Variants in PIK3C2G observed in about 807,000 individuals in gnomAD.
PIK3C2G encodes phosphatidylinositol 3-kinase C2 domain-containing subunit gamma.
PIK3C2G carries 168 observed loss-of-function variants against 181.1 expected under a neutral mutation model. The observed-to-expected ratio is 0.93, with a 90% CI of 0.82 to 1.05. The LOEUF (loss-of-function observed/expected upper bound fraction) is 1.05. Among genes scored for constraint, PIK3C2G ranks in the 50% least tolerant of loss-of-function variants. PIK3C2G has a pLI of 0.00. For synonymous variants in PIK3C2G, 573 were observed against 592.2 expected (o/e 0.97, Z 0.47); for missense variants, 1,869 against 1,732.8 (o/e 1.08, Z -1.40).
intron 16 of PIK3C2G, among the ~76,000 whole-genome samples, chr12:18,414,313 G>A (rs901970004): frequency 3.9e-5 from 6 of 151,956 alleles, no homozygotes; most frequent in East Asian, 1.9e-4. Flanking sequence ...TAAAACTTTC[G>A]TATAGAAAAT....
chr12:18,326,032 A>G (rs982486082), intron 8 of PIK3C2G, among the ~76,000 whole-genome samples: 4 of 152,308 alleles, frequency 2.6e-5, no homozygotes, highest in South Asian at 4.1e-4. Context: ...TATAGGGATG[A>G]TATGAGGGGA....
intron 18 of PIK3C2G, among the ~76,000 whole-genome samples, chr12:18,433,289 T>C (rs1343076689): frequency 6.6e-6 from 1 of 151,498 alleles, no homozygotes; most frequent in Non-Finnish European, 1.5e-5. Flanking sequence ...CCGAGGAGGG[T>C]AGGTCATGAG....
chr12:18,603,912 A>T (rs1339109972), intron 30 of PIK3C2G, among the ~76,000 whole-genome samples: 3 of 152,194 alleles, frequency 2.0e-5, no homozygotes, highest in African/African-American at 7.2e-5. Flanking sequence ...CATCAAAAAG[A>T]ATCTCTTTAA....
chr12:18,340,724 T>TTA (rs1224222088), intron 9 of PIK3C2G, among the ~76,000 whole-genome samples: 4 of 152,172 alleles, frequency 2.6e-5, no homozygotes, highest in African/African-American at 9.6e-5. Flanking sequence ...TTCCTCATGT[T>TTA]TAAAACAGAA....
chr12:18,503,095 A>G (rs1565456072), intron 22 of PIK3C2G, among the ~76,000 whole-genome samples, 186 bp from the exon 23 acceptor site: 1 of 152,186 alleles, frequency 6.6e-6, no homozygotes, highest in African/African-American at 2.4e-5. Context: ...AAGTAGCCTC[A>G]TTGTTCTCCA....
intron 24 of PIK3C2G, among the ~76,000 whole-genome samples, chr12:18,513,493 A>G (rs1181206438): frequency 6.6e-6 from 1 of 151,128 alleles, no homozygotes; most frequent in Non-Finnish European, 1.5e-5. Flanking sequence ...GGCTATTCAG[A>G]TTTTCTGCTG....
At chr12:18,723,413 C>G in the PIK3C2G span, 216 of 1,612,982 alleles carry the variant, frequency 1.3e-4, no homozygotes, top group South Asian at 5.2e-4. Flanking sequence ...AGATTACTTG[C>G]TAAAAGAATT....
chr12:18,634,879 C>T (rs1006076756), intron 31 of PIK3C2G, among the ~76,000 whole-genome samples: 1 of 151,482 alleles, frequency 6.6e-6, no homozygotes, highest in Non-Finnish European at 1.5e-5. Flanking sequence ...TTTTTTTTTG[C>T]CCATTTAGAG....
intron 13 of PIK3C2G, among the ~76,000 whole-genome samples, chr12:18,381,260 A>T (rs1942814447): frequency 6.6e-6 from 1 of 152,166 alleles, no homozygotes; most frequent in Non-Finnish European, 1.5e-5. Flanking sequence ...GAAGCCCCAC[A>T]ACTATTTTTA....
chr12:18,671,143 C>T, the PIK3C2G span, among the ~76,000 whole-genome samples: 9 of 147,128 alleles, frequency 6.1e-5, no homozygotes, highest in East Asian at 1.8e-3. Context: ...GAGCCGAAAT[C>T]AGGCCATTGC....
chr12:18,693,027 C>T, the PIK3C2G span: 1 of 1,436,836 alleles, frequency 7.0e-7, no homozygotes, highest in East Asian at 2.3e-5. Flanking sequence ...AAATCAGGAA[C>T]AAATGAAACC....
chr12:18,663,939 A>T, the PIK3C2G span, among the ~76,000 whole-genome samples: 1 of 152,192 alleles, frequency 6.6e-6, no homozygotes, highest in African/African-American at 2.4e-5. Flanking sequence ...TAGGCTATGG[A>T]CTTGAATAGA....
the PIK3C2G span, among the ~76,000 whole-genome samples, chr12:18,710,275 A>T: frequency 1.4e-4 from 21 of 149,870 alleles, no homozygotes; most frequent in Admixed American, 1.2e-3. Context: ...TTTTTAATTC[A>T]TTTTTCCACT....
chr12:18,460,440 G>T (rs1009385199), intron 18 of PIK3C2G, among the ~76,000 whole-genome samples: 1 of 151,772 alleles, frequency 6.6e-6, no homozygotes, highest in African/African-American at 2.4e-5. Context: ...CAGGTGTGGT[G>T]GCACGCGCCT....
chr12:18,281,567 T>G (rs1010729182), intron 1 of PIK3C2G, among the ~76,000 whole-genome samples: 1 of 152,004 alleles, frequency 6.6e-6, no homozygotes, highest in Non-Finnish European at 1.5e-5. Flanking sequence ...TGATTAGTTG[T>G]GGTGGGTAGA....
At chr12:18,707,940 A>G in the PIK3C2G span, among the ~76,000 whole-genome samples, 1 of 152,220 alleles carries the variant, frequency 6.6e-6, no homozygotes, top group Non-Finnish European at 1.5e-5. Flanking sequence ...AGATAGTAAG[A>G]AGGTTATTAC....
At chr12:18,409,969 G>C (rs1267345883) in intron 16 of PIK3C2G, among the ~76,000 whole-genome samples, 1 of 152,026 alleles carries the variant, frequency 6.6e-6, no homozygotes, top group African/African-American at 2.4e-5. Context: ...GATATCATTA[G>C]AACTCTATCA....
intron 11 of PIK3C2G, among the ~76,000 whole-genome samples, chr12:18,348,157 G>A (rs1939859890): frequency 6.6e-6 from 1 of 151,728 alleles, no homozygotes; most frequent in Admixed American, 6.6e-5. Flanking sequence ...TATATGTATA[G>A]GGCATGCATT....
rs146624324 is a variant in PIK3C2G, at chr12:18,540,450, A to G, written c.3480+2138A>G. Among the ~76,000 whole-genome samples, 785 of 152,014 alleles carry G rather than the reference A, an allele frequency of 5.2e-3. 9 individuals are homozygous for G. Among genetic ancestry groups the G allele is most frequent in the African/African-American group, 0.017 (712 of 41,524 alleles). On this transcript the variant is annotated intron_variant, in intron 25 of 32. Coordinates refer to ENST00000538779, the MANE Select transcript of PIK3C2G (RefSeq NM_001288772.2). ...TGAGCATGTTAAAATAATGTGAAAG[A>G]ACAGCTCTTTCAGAAAGCTATCAGT...
Sources: gnomAD v4.1 joint callset for allele counts (sites outside exome capture counted in the v4.1 genomes callset) on GRCh38, gnomAD v4.1.1 for gene constraint, MANE v1.5 for transcripts, NCBI Gene and HGNC (gene_info 2026-07-23, HGNC 2026-07-21) for gene names.